NCKAP5: variants seen among roughly 807,000 people sequenced by gnomAD.
The protein encoded by NCKAP5 is NCK associated protein 5.
A neutral mutation model predicts 167.0 loss-of-function variants in NCKAP5; 92 were observed. The ratio of observed to expected loss-of-function variants is 0.55; its 90% CI spans 0.47 to 0.66. NCKAP5 has a LOEUF of 0.66. NCKAP5 is among the 30% of genes least tolerant of loss of function. The probability of loss-of-function intolerance (pLI) is 0.00; values close to 1 mark genes in which losing one functional copy is unlikely to be tolerated. For missense variants in NCKAP5, 2,378 were observed against 2,315.0 expected, an observed-to-expected ratio of 1.03 and a Z score of -0.56; for synonymous variants, 891 against 877.4, an observed-to-expected ratio of 1.02 and a Z score of -0.27.
chr2:132,703,040 G>T (rs748607403), intron 19 of NCKAP5, among the ~76,000 whole-genome samples: 1 of 152,012 alleles, frequency 6.6e-6, no homozygotes, highest in Non-Finnish European at 1.5e-5. Context: ...AATTAGCCAG[G>T]TGTAAGGGTA....
intron 19 of NCKAP5, among the ~76,000 whole-genome samples, chr2:132,689,399 T>C (rs1325406245): frequency 1.3e-5 from 2 of 152,208 alleles, no homozygotes; most frequent in East Asian, 1.9e-4. Flanking sequence ...ATGCAGTACA[T>C]GTTTTTCATG....
At chr2:133,349,755 A>C (rs899291301) in intron 3 of NCKAP5, among the ~76,000 whole-genome samples, 2 of 152,104 alleles carry the variant, frequency 1.3e-5, no homozygotes, top group African/African-American at 4.8e-5. Flanking sequence ...TTATGTCTTA[A>C]ATATCTCTTC....
intron 3 of NCKAP5, among the ~76,000 whole-genome samples, chr2:133,473,329 C>T (rs1679531794): frequency 7.1e-6 from 1 of 140,576 alleles, no homozygotes; most frequent in South Asian, 2.2e-4. Flanking sequence ...GAGACTCCGT[C>T]TCAAAAAAAA....
Position 132,760,988 on chromosome 2 carries a change from C to T in NCKAP5, c.5128+12828G>A, listed in dbSNP as rs376666471. Among the ~76,000 whole-genome samples, 3 of 152,278 alleles carry T rather than the reference C, an allele frequency of 2.0e-5. 1 individual carries two copies. On this transcript the variant is annotated intron_variant, in intron 16 of 19. Transcript: ENST00000409261. ...AAAAGAGTGAATTAGGTCCCTGAGC[C>T]ACATGAGTGCAAACTAATGATTCAC...
intron 3 of NCKAP5, among the ~76,000 whole-genome samples, chr2:133,323,551 A>G (rs143622230): frequency 6.6e-6 from 1 of 152,318 alleles, no homozygotes; most frequent in Non-Finnish European, 1.5e-5. Flanking sequence ...CTGGTTCCTA[A>G]CAAAAGTTAA....
the NCKAP5 span, among the ~76,000 whole-genome samples, chr2:133,605,469 C>A: frequency 6.6e-5 from 10 of 151,962 alleles, no homozygotes; most frequent in Admixed American, 5.9e-4. Context: ...GATGAAGACC[C>A]GGGGTGTGTG....
At chr2:133,256,751 G>A (rs1027017052) in intron 4 of NCKAP5, among the ~76,000 whole-genome samples, 5 of 152,120 alleles carry the variant, frequency 3.3e-5, no homozygotes, top group Non-Finnish European at 7.4e-5. Flanking sequence ...AAAACAAAGT[G>A]AAAGTTCCTG....
intron 16 of NCKAP5, among the ~76,000 whole-genome samples, chr2:132,773,002 G>C (rs975763291): frequency 6.6e-6 from 1 of 152,204 alleles, no homozygotes; most frequent in African/African-American, 2.4e-5. Flanking sequence ...CTGGAGCATG[G>C]TATTCAGTAC....
chr2:133,525,800 T>A (rs577255684), intron 2 of NCKAP5, among the ~76,000 whole-genome samples: 1 of 152,224 alleles, frequency 6.6e-6, no homozygotes, highest in South Asian at 2.1e-4. Flanking sequence ...TCAAGCCAGC[T>A]GTCCCATGTC....
chr2:132,926,159 C>T (rs533534379), intron 8 of NCKAP5: 121 of 367,632 alleles, frequency 3.3e-4, no homozygotes, highest in South Asian at 2.6e-3. Flanking sequence ...GTTTCTGTTT[C>T]TGAGTTATTT....
the NCKAP5 span, among the ~76,000 whole-genome samples, chr2:133,605,460 A>G: frequency 6.6e-6 from 1 of 152,088 alleles, no homozygotes; most frequent in Non-Finnish European, 1.5e-5. Flanking sequence ...CCTAAAGGGG[A>G]TGAAGACCCG....
At chr2:133,365,369 T>C (rs573482431) in intron 3 of NCKAP5, among the ~76,000 whole-genome samples, 1 of 152,282 alleles carries the variant, frequency 6.6e-6, no homozygotes, top group Admixed American at 6.5e-5. Flanking sequence ...CTGAGCCCCA[T>C]ATGACAAAGC....
chr2:133,540,395 T>C (rs1686126716), intron 2 of NCKAP5, among the ~76,000 whole-genome samples: 4 of 152,186 alleles, frequency 2.6e-5, no homozygotes, highest in Admixed American at 2.6e-4. Flanking sequence ...TCAAAGTGTT[T>C]ACAGCAAATA....
At chr2:133,564,526 G>T (rs145974477) in intron 1 of NCKAP5, among the ~76,000 whole-genome samples, 1 of 152,050 alleles carries the variant, frequency 6.6e-6, no homozygotes, top group Non-Finnish European at 1.5e-5. Flanking sequence ...TGGCAGCAGC[G>T]GAAGGTAAAG....
At position 132,781,182 on chromosome 2, in the gene NCKAP5, G is replaced by T. The variant is rs1390621420; in HGVS notation, c.4919C>A (p.Ala1640Asp). Reference sequence around the variant, plus strand: ...GCCCTTTAACACATTCCTGCAGGAAGCATTACTTGATCCACTTTCTGTCTG... The same window carrying T: ...GCCCTTTAACACATTCCTGCAGGAATCATTACTTGATCCACTTTCTGTCTG... ...APQTESGSSN[A>D]SCRNVLKGSS... Residue 1640 changes from alanine (A) to aspartate (D), a missense_variant, in exon 15 of 20, where the codon GCT becomes GAT. By Grantham distance (126) the Ala-to-Asp change is moderately radical. Coordinates refer to ENST00000409261, the MANE Select transcript of NCKAP5 (RefSeq NM_207363.3). The T allele has an allele frequency of 6.2e-7, 1 of 1,613,838 alleles. No individual in the cohort carries two copies. Among genetic ancestry groups the T allele is most frequent in the Admixed American group, 1.7e-5 (1 of 59,998 alleles).
intron 11 of NCKAP5, among the ~76,000 whole-genome samples, chr2:132,825,071 C>T (rs1687029563): frequency 6.6e-6 from 1 of 152,154 alleles, no homozygotes; most frequent in South Asian, 2.1e-4. Flanking sequence ...TATTAGAGAT[C>T]CCTGAAAACC....
intron 4 of NCKAP5, among the ~76,000 whole-genome samples, chr2:133,283,256 G>A (rs1163406467): frequency 2.6e-5 from 4 of 152,166 alleles, no homozygotes; most frequent in Admixed American, 6.5e-5. Flanking sequence ...AAATGGGTAA[G>A]ATTGACCATT....
chr2:133,482,320 C>A (rs1680528879), intron 3 of NCKAP5, among the ~76,000 whole-genome samples: 1 of 151,696 alleles, frequency 6.6e-6, no homozygotes, highest in African/African-American at 2.4e-5. Context: ...TGGGATCAAG[C>A]AATTCTCCTG....
chr2:133,396,014 T>C (rs1271376989), intron 3 of NCKAP5, among the ~76,000 whole-genome samples: 2 of 152,076 alleles, frequency 1.3e-5, no homozygotes, highest in South Asian at 2.1e-4. Context: ...ATTTTCTTTC[T>C]CTTTCAACTT....
Sources: gnomAD v4.1 joint callset for allele counts (sites outside exome capture counted in the v4.1 genomes callset) on GRCh38, gnomAD v4.1.1 for gene constraint, MANE v1.5 for transcripts, NCBI Gene and HGNC (gene_info 2026-07-23, HGNC 2026-07-21) for gene names.